The following CDC42BPA variants were observed in gnomAD, a reference collection of about 807,000 sequenced individuals.
CDC42BPA encodes serine/threonine-protein kinase MRCK alpha.
Under a neutral mutation model 223.5 loss-of-function variants are expected in CDC42BPA, and 80 were observed. The observed-to-expected ratio is 0.36, with a 90% CI of 0.30 to 0.43. The LOEUF (loss-of-function observed/expected upper bound fraction) is 0.43, where lower values mean the gene tolerates loss of function less well. Ranked by LOEUF, CDC42BPA falls within the 20% of genes least tolerant of loss-of-function variation. The pLI is 1.00. For synonymous variants in CDC42BPA, 694 were observed against 718.6 expected, an observed-to-expected ratio of 0.97 and a Z score of 0.55; for missense variants, 1,743 against 2,099.9, an observed-to-expected ratio of 0.83 and a Z score of 3.32.
intron 5 of CDC42BPA, among the ~76,000 whole-genome samples, chr1:227,192,061 A>C (rs918822435): frequency 6.6e-6 from 1 of 152,206 alleles, no homozygotes; most frequent in African/African-American, 2.4e-5. Context: ...CACAGAGAAA[A>C]GCACACGAAT....
At chr1:227,273,359 G>A (rs1012593294) in intron 1 of CDC42BPA, among the ~76,000 whole-genome samples, 3 of 151,128 alleles carry the variant, frequency 2.0e-5, no homozygotes, top group Non-Finnish European at 4.4e-5. Flanking sequence ...TGAGGATTGG[G>A]AATTCGAGAC....
intron 1 of CDC42BPA, among the ~76,000 whole-genome samples, chr1:227,255,452 G>C (rs916233615): frequency 6.6e-6 from 1 of 152,134 alleles, no homozygotes; most frequent in African/African-American, 2.4e-5. Flanking sequence ...AGGAAAGAGA[G>C]AGAGGATTTC....
At position 226,994,489 on chromosome 1, in the gene CDC42BPA, C is replaced by T; in HGVS notation, c.5134-90G>A. 1 of 1,407,364 alleles carries T rather than the reference C, an allele frequency of 7.1e-7. No individual in the cohort carries two copies. Among genetic ancestry groups the T allele is most frequent in the South Asian group, 1.5e-5 (1 of 65,236 alleles). 87.2% of individuals were successfully genotyped at this position (1,407,364 alleles called of 1,614,324 possible). A position where few individuals can be genotyped will look rare whatever the true frequency, so the allele number is the denominator to read the frequency against. On this transcript the variant is annotated intron_variant, in intron 36 of 36. Transcript: ENST00000366766. The surrounding 1 kb of genome is among the most constrained non-coding windows in gnomAD (Gnocchi z 4.0). ...GATTACCACCGCCCCCTCCAGCCAC[C>T]CTGACCAAATAACCCCATGGGGCGG...
At position 227,213,127 on chromosome 1, in the gene CDC42BPA, G is replaced by C; in HGVS notation, c.354+9C>G. 7.5e-7 allele frequency: 1 copy of C among 1,331,616 alleles called. No homozygotes were observed. The allele number at this position is 1,331,616 out of a possible 1,614,324, so 82.5% of individuals were successfully genotyped here. ...AATATTTATATATTCCAATACATAAGACTCTTACCTCAGCTCTTTTCAGCA... is the reference window on the plus strand; with the variant it reads ...AATATTTATATATTCCAATACATAACACTCTTACCTCAGCTCTTTTCAGCA... On this transcript the variant is annotated intron_variant, in intron 3 of 36. Transcript: ENST00000366766.
At chr1:227,030,088 G>A (rs2150869) in intron 29 of CDC42BPA, among the ~76,000 whole-genome samples, 14,447 of 150,874 alleles carry the variant, frequency 0.096, 861 homozygotes, top group Middle Eastern at 0.17. Flanking sequence ...AGCCGAGTTC[G>A]TGCCACTGCA....
chr1:227,049,481 T>G (rs1372766515), intron 22 of CDC42BPA, among the ~76,000 whole-genome samples: 2 of 152,114 alleles, frequency 1.3e-5, no homozygotes, highest in African/African-American at 4.8e-5. Context: ...TCATGAAAGA[T>G]GTCAATTCTC....
intron 1 of CDC42BPA, among the ~76,000 whole-genome samples, chr1:227,270,081 A>G (rs2813945): frequency 0.098 from 14,878 of 152,132 alleles, 1,174 homozygotes; most frequent in East Asian, 0.36. Context: ...AAAACACTAT[A>G]CCCACATATA....
intron 23 of CDC42BPA, among the ~76,000 whole-genome samples, chr1:227,046,719 C>T (rs1403751827): frequency 1.3e-5 from 2 of 152,126 alleles, no homozygotes; most frequent in African/African-American, 2.4e-5. Context: ...GAAGCTTGTT[C>T]TCTAGCACAT....
intron 23 of CDC42BPA, among the ~76,000 whole-genome samples, chr1:227,042,337 G>T (rs539744554): frequency 2.3e-3 from 329 of 142,542 alleles, no homozygotes; most frequent in Non-Finnish European, 4.2e-3. Context: ...TCTCCAGCAA[G>T]AGATCTATTC....
At chr1:227,127,125 A>T (rs568103506) in intron 11 of CDC42BPA, among the ~76,000 whole-genome samples, 1 of 152,322 alleles carries the variant, frequency 6.6e-6, no homozygotes, top group African/African-American at 2.4e-5. Flanking sequence ...TATATATTAC[A>T]ATAAACACAT....
intron 17 of CDC42BPA, among the ~76,000 whole-genome samples, chr1:227,080,479 T>TAAC (rs1680409046): frequency 6.6e-6 from 1 of 152,176 alleles, no homozygotes. Flanking sequence ...TGATACAAGA[T>TAAC]AACAGTACAG....
chr1:227,179,659 A>AG (rs1553379787), intron 5 of CDC42BPA, among the ~76,000 whole-genome samples: 2 of 146,980 alleles, frequency 1.4e-5, no homozygotes, highest in African/African-American at 5.2e-5. Flanking sequence ...AAAAAAAAAA[A>AG]AGCTATTTTA....
rs1258773083 is a variant in CDC42BPA at position 227,207,236 on chromosome 1, T to C, written c.354+5900A>G. 2.6e-5 allele frequency among the ~76,000 whole-genome samples: 4 copies of C among 151,210 alleles called. No homozygotes were observed. In the East Asian group the frequency reaches 7.8e-4, roughly 29 times the overall value. ...CTGAGAATGATGGTTTCCAGTTTCA[T>C]CCATGTCCCTACAAAGGACATGAAC... On this transcript the variant is annotated intron_variant, in intron 3 of 36. Transcript: ENST00000366766.
At chr1:227,070,405 T>C (rs1386213062) in intron 20 of CDC42BPA, among the ~76,000 whole-genome samples, 1 of 151,910 alleles carries the variant, frequency 6.6e-6, no homozygotes, top group African/African-American at 2.4e-5. Context: ...TTTTAAAAAT[T>C]CATACATATC....
intron 1 of CDC42BPA, among the ~76,000 whole-genome samples, chr1:227,310,812 G>C (rs748587257): frequency 6.6e-6 from 1 of 151,130 alleles, no homozygotes; most frequent in Non-Finnish European, 1.5e-5. Flanking sequence ...TCAGCCTCCT[G>C]AGTAGCTGGG....
intron 11 of CDC42BPA, among the ~76,000 whole-genome samples, chr1:227,126,346 G>C (rs1689585970): frequency 6.6e-6 from 1 of 152,080 alleles, no homozygotes; most frequent in Non-Finnish European, 1.5e-5. Context: ...CTGCAAGGTT[G>C]CTTCAGAAAG....
chr1:227,253,273 C>A (rs538694407), intron 2 of CDC42BPA, among the ~76,000 whole-genome samples: 7 of 106,326 alleles, frequency 6.6e-5, no homozygotes, highest in South Asian at 3.4e-4. Flanking sequence ...AGAGAGCGCG[C>A]GCGCGTGCGC....
chr1:227,101,249 T>TAATA lies in CDC42BPA; in HGVS notation c.2002-14_2002-11dup. 1 of 1,492,200 alleles carries TAATA rather than the reference T, an allele frequency of 6.7e-7. No individual in the cohort carries two copies. The highest frequency in any genetic ancestry group is 9.0e-7 in the Non-Finnish European group (1 of 1,108,190). 92.4% of individuals were successfully genotyped at this position (1,492,200 alleles called of 1,614,324 possible). The stretch of plus-strand genomic sequence containing the variant: ...AACTAATTTGTTTTTGCTATAGAAA[T>TAATA]AATAACAAAAGATTAGTGCATCTAC... On this transcript the variant is annotated splice_polypyrimidine_tract_variant and intron_variant, in intron 14 of 36. Transcript: ENST00000366766.
intron 1 of CDC42BPA, among the ~76,000 whole-genome samples, chr1:227,275,417 AAAAG>A (rs1288831344): frequency 1.6e-5 from 2 of 124,578 alleles, no homozygotes; most frequent in African/African-American, 2.7e-5. Context: ...AGAGAAAAGT[AAAAG>A]AAAGACAATA....
Sources: allele counts gnomAD v4.1 joint callset (sites outside exome capture counted in the v4.1 genomes callset), GRCh38; gene constraint gnomAD v4.1.1; non-coding constraint Gnocchi (gnomAD v3.1); transcripts MANE v1.5; gene names NCBI Gene and HGNC (gene_info 2026-07-23, HGNC 2026-07-21).